The following SH3BGRL2 variants were observed in gnomAD, a reference collection of about 807,000 sequenced individuals.
The protein encoded by SH3BGRL2 is SH3 domain binding glutamate rich protein like 2, also known as SH3 domain-binding glutamic acid-rich-like protein 2.
Under a neutral mutation model 14.8 loss-of-function variants are expected in SH3BGRL2, and 21 were observed. The observed-to-expected ratio is 1.42, with a 90% CI of 1.01 to 2.05. The LOEUF is 2.05. SH3BGRL2 is among the 30% of genes most tolerant of loss of function. SH3BGRL2 has a pLI of 0.00. For synonymous variants in SH3BGRL2, 50 were observed against 47.8 expected, an observed-to-expected ratio of 1.05 and a Z score of -0.19; for missense variants, 147 against 130.8, an observed-to-expected ratio of 1.12 and a Z score of -0.61.
intron 1 of SH3BGRL2, among the ~76,000 whole-genome samples, chr6:79,636,284 C>T (rs1582711967): frequency 6.6e-6 from 1 of 152,166 alleles, no homozygotes; most frequent in African/African-American, 2.4e-5. Flanking sequence ...GGCTCTGTAG[C>T]ATCCTGGGGG....
chr6:79,538,792 A>G, the SH3BGRL2 span, among the ~76,000 whole-genome samples: 2 of 152,386 alleles, frequency 1.3e-5, no homozygotes, highest in Admixed American at 1.3e-4. Context: ...CAGCACTCAG[A>G]ATGCTCCAGG....
chr6:79,616,954 A>T, the SH3BGRL2 span, among the ~76,000 whole-genome samples: 1 of 152,318 alleles, frequency 6.6e-6, no homozygotes, highest in African/African-American at 2.4e-5. Context: ...TTGGGAGGCC[A>T]AGGCGGGCAG....
At chr6:79,556,648 A>C in the SH3BGRL2 span, among the ~76,000 whole-genome samples, 1 of 151,958 alleles carries the variant, frequency 6.6e-6, no homozygotes, top group Non-Finnish European at 1.5e-5. Flanking sequence ...CACTTTTAGA[A>C]TTTTCCTCCT....
intron 2 of SH3BGRL2, among the ~76,000 whole-genome samples, chr6:79,685,758 A>G (rs181886103): frequency 2.0e-5 from 3 of 152,282 alleles, no homozygotes; most frequent in East Asian, 1.9e-4. Context: ...AGAGGAGGGT[A>G]TGTAATCCTA....
chr6:79,612,033 C>T, the SH3BGRL2 span, among the ~76,000 whole-genome samples: 3 of 152,190 alleles, frequency 2.0e-5, no homozygotes, highest in African/African-American at 7.2e-5. Flanking sequence ...GGCGCTGGCT[C>T]ACACCTGTAA....
At chr6:79,623,674 T>C in the SH3BGRL2 span, among the ~76,000 whole-genome samples, 3 of 152,210 alleles carry the variant, frequency 2.0e-5, no homozygotes, top group East Asian at 5.8e-4. Flanking sequence ...TCATCTCTGA[T>C]TTTACTTTCA....
intron 1 of SH3BGRL2, among the ~76,000 whole-genome samples, chr6:79,634,809 G>C (rs1768892642): frequency 6.6e-6 from 1 of 152,188 alleles, no homozygotes; most frequent in Admixed American, 6.5e-5. Context: ...GAGGCAGAGA[G>C]ATGCATTGCA....
chr6:79,567,130 G>A, the SH3BGRL2 span, among the ~76,000 whole-genome samples: 1 of 151,948 alleles, frequency 6.6e-6, no homozygotes, highest in Admixed American at 6.6e-5. Context: ...TAGGATTTAT[G>A]TCACCAAGTT....
At chr6:79,620,756 G>A in the SH3BGRL2 span, among the ~76,000 whole-genome samples, 3 of 152,144 alleles carry the variant, frequency 2.0e-5, no homozygotes, top group East Asian at 3.9e-4. Context: ...GCACAGAGAA[G>A]AATAAAAAGG....
In SH3BGRL2 at chr6:79,646,515, T is replaced by A. The variant is rs539544455; in HGVS notation, c.45+15009T>A. Among the ~76,000 whole-genome samples, 307 of 152,344 alleles carry A rather than the reference T, an allele frequency of 2.0e-3. 3 individuals are homozygous for A. Among genetic ancestry groups the A allele is most frequent in the Non-Finnish European group, 3.8e-3 (258 of 68,020 alleles). ...CTTGGCTTCTCTGGGCTTCAGGTTT[T>A]TTGTTGTGTTGTTGCTGTTGTTTCA... is the stretch of plus-strand genomic sequence containing the variant. On this transcript the variant is annotated intron_variant, in intron 1 of 3. Transcript: ENST00000369838.
chr6:79,543,230 A>C, the SH3BGRL2 span, among the ~76,000 whole-genome samples: 2 of 152,222 alleles, frequency 1.3e-5, no homozygotes, highest in Non-Finnish European at 1.5e-5. Context: ...ACTTGCAATC[A>C]ATATTTTAAA....
At chr6:79,561,121 C>G in the SH3BGRL2 span, 3 of 151,650 alleles carry the variant, frequency 2.0e-5, no homozygotes, top group Non-Finnish European at 4.4e-5. Flanking sequence ...CTCAGGTGAT[C>G]CGCCCACCTC....
At chr6:79,591,371 A>T in the SH3BGRL2 span, among the ~76,000 whole-genome samples, 1 of 151,870 alleles carries the variant, frequency 6.6e-6, no homozygotes, top group African/African-American at 2.4e-5. Context: ...CTATTCTTCT[A>T]CCTTCTCTTC....
the SH3BGRL2 span, among the ~76,000 whole-genome samples, chr6:79,612,026 G>A: frequency 3.2e-4 from 49 of 152,264 alleles, no homozygotes; most frequent in African/African-American, 1.1e-3. Context: ...ACTGCCAGGC[G>A]CTGGCTCACA....
chr6:79,560,768 A>G, the SH3BGRL2 span, among the ~76,000 whole-genome samples: 6 of 152,082 alleles, frequency 3.9e-5, no homozygotes, highest in African/African-American at 7.2e-5. Flanking sequence ...GCACTGTCCA[A>G]TAGAAATTGA....
chr6:79,632,906 C>T (rs1052110626), intron 1 of SH3BGRL2, among the ~76,000 whole-genome samples: 4 of 152,196 alleles, frequency 2.6e-5, no homozygotes, highest in African/African-American at 9.7e-5. Flanking sequence ...GTTTCACCAC[C>T]GACTTGCATG....
chr6:79,630,801 AG>A (rs1768806747), upstream of SH3BGRL2, among the ~76,000 whole-genome samples: 1 of 152,182 alleles, frequency 6.6e-6, no homozygotes, highest in African/African-American at 2.4e-5. Context: ...TTTACCCAAA[AG>A]AATCACCTTT....
chr6:79,651,790 T>G (rs1258628069), intron 1 of SH3BGRL2, among the ~76,000 whole-genome samples: 2 of 152,178 alleles, frequency 1.3e-5, no homozygotes, highest in Non-Finnish European at 2.9e-5. Flanking sequence ...ACATGCTAGT[T>G]TGTGGTGACC....
the SH3BGRL2 span, among the ~76,000 whole-genome samples, chr6:79,618,440 G>A: frequency 6.6e-6 from 1 of 152,188 alleles, no homozygotes; most frequent in African/African-American, 2.4e-5. Flanking sequence ...AGGCGCCGTG[G>A]CTCTTGCCTG....
Sources: allele counts gnomAD v4.1 joint callset (sites outside exome capture counted in the v4.1 genomes callset), GRCh38; gene constraint gnomAD v4.1.1; transcripts MANE v1.5; gene names NCBI Gene and HGNC (gene_info 2026-07-23, HGNC 2026-07-21).